DHX33: variants seen among roughly 807,000 people sequenced by gnomAD.
The protein encoded by DHX33 is DEAH-box helicase 33, also known as ATP-dependent RNA helicase DHX33.
DHX33 carries 42 observed loss-of-function variants against 72.5 expected under a neutral mutation model. That is an observed-to-expected ratio of 0.58 (90% CI 0.45 to 0.75). The LOEUF (loss-of-function observed/expected upper bound fraction) is 0.75. DHX33 is among the 30% of genes least tolerant of loss of function. DHX33 has a pLI of 0.00. For missense variants in DHX33, 842 were observed against 917.5 expected (o/e 0.92, Z 1.06); for synonymous variants, 358 against 366.1 (o/e 0.98, Z 0.25).
chr17:5,449,125 G>T (rs775269807), intron 10 of DHX33, among the ~76,000 whole-genome samples: 1 of 152,124 alleles, frequency 6.6e-6, no homozygotes, highest in Non-Finnish European at 1.5e-5. Flanking sequence ...AACATTTTTA[G>T]AACACAGTTG....
At position 5,444,196 on chromosome 17, in the gene DHX33, T is replaced by C. The variant is rs376353729; in HGVS notation, c.*9A>G. 2.1e-4 allele frequency: 341 copies of C among 1,609,408 alleles called. 1 individual carries two copies. Among genetic ancestry groups the C allele is most frequent in the Non-Finnish European group, 2.8e-4 (324 of 1,176,478 alleles). On this transcript the variant is annotated 3_prime_UTR_variant, in exon 12 of 12. Transcript: ENST00000225296. This position sits in a 1 kb window ranked among gnomAD's most constrained non-coding sequence, Gnocchi z 4.9. ...GGGACCAGTGATTCTGGCGGCATCC[T>C]GGGGCGGCTCAGTTTCTGGCGGTTC... is the stretch of plus-strand genomic sequence containing the variant.
intron 4 of DHX33, among the ~76,000 whole-genome samples, chr17:5,459,860 T>G (rs1904499952): frequency 6.6e-6 from 1 of 151,408 alleles, no homozygotes; most frequent in Non-Finnish European, 1.5e-5. Flanking sequence ...GTTGTCAGAC[T>G]GGTCTTGAAC....
chr17:5,456,632 A>G (rs1904336947), intron 4 of DHX33, among the ~76,000 whole-genome samples: 1 of 152,236 alleles, frequency 6.6e-6, no homozygotes, highest in African/African-American at 2.4e-5. Context: ...TTAGCCAGCT[A>G]TGTTTATAGG....
In DHX33 at chr17:5,450,331, C is replaced by T. The variant is rs368918561; in HGVS notation, c.1600G>A (p.Val534Ile). 5.6e-6 allele frequency: 9 copies of T among 1,614,138 alleles called. No homozygotes were observed. The highest frequency in any genetic ancestry group is 5.3e-5 in the African/African-American group (4 of 75,000). Reference protein sequence around the residue: ...TIVSLLSVDSVLHNPPSRREE... With the variant: ...TIVSLLSVDSILHNPPSRREE... The stretch of plus-strand genomic sequence containing the variant: ...CGCCGGGAAGGAGGGTTGTGGAGGA[C>T]GCTGTCCACAGACAGCAGGGAGACA... Residue 534 changes from valine (V) to isoleucine (I), a missense_variant, in exon 10 of 12, where the codon GTC (valine) becomes ATC (isoleucine). Coordinates refer to ENST00000225296, the MANE Select transcript of DHX33 (RefSeq NM_020162.4).
rs767810567 is a variant in DHX33 at position 5,461,157 on chromosome 17, C to T, written c.679-48G>A. 4.5e-6 allele frequency: 7 copies of T among 1,566,666 alleles called. No homozygotes were observed. In the South Asian group the frequency reaches 6.9e-5, roughly 15 times the overall value. ...GGACCAGAAACAAATAGTGGGAAGG[C>T]CTTTCCGTGTCCCTCTCGAGCCCCA... is the stretch of plus-strand genomic sequence containing the variant. On this transcript the variant is annotated intron_variant, in intron 3 of 11. Coordinates refer to ENST00000225296, the MANE Select transcript of DHX33 (RefSeq NM_020162.4).
Position 5,452,228 on chromosome 17 carries a change from G to A in DHX33, c.1397-1294C>T, listed in dbSNP as rs187487142. Among the ~76,000 whole-genome samples the A allele has an allele frequency of 3.8e-4, 58 of 152,258 alleles. 1 individual carries two copies. The highest frequency in any genetic ancestry group is 2.9e-5 in the Non-Finnish European group (2 of 68,012). On this transcript the variant is annotated intron_variant, in intron 8 of 11. Coordinates refer to ENST00000225296, the MANE Select transcript of DHX33 (RefSeq NM_020162.4). Reference sequence around the variant, plus strand: ...AAGCACAGAACAATACTCAATGTGTGTTGCTATTTGTGTTTTAAAACATAC... The same window carrying A: ...AAGCACAGAACAATACTCAATGTGTATTGCTATTTGTGTTTTAAAACATAC...
At chr17:5,453,187 C>T (rs1917025661) in intron 8 of DHX33, among the ~76,000 whole-genome samples, 1 of 152,162 alleles carries the variant, frequency 6.6e-6, no homozygotes, top group Non-Finnish European at 1.5e-5. Flanking sequence ...TCACTGGTTC[C>T]AGAGGTCAAG....
chr17:5,453,532 TTG>T lies in DHX33; in HGVS notation c.1396+46_1396+47del, dbSNP rs1567599572. The T allele has an allele frequency of 1.5e-5, 22 of 1,480,054 alleles. 1 individual carries two copies. The Middle Eastern group carries it at 6.8e-4, about 46-fold the overall frequency. 91.7% of individuals were successfully genotyped at this position (1,480,054 alleles called of 1,614,324 possible). On this transcript the variant is annotated intron_variant, in intron 8 of 11. Transcript: ENST00000225296. ...TTTTTTTGGAAGTGTCCATTTGTTG[TTG>T]TTTGTCTCCTCACCCACCTTCTGCA...
chr17:5,457,286 C>T (rs779810643), intron 4 of DHX33, among the ~76,000 whole-genome samples: 4 of 151,744 alleles, frequency 2.6e-5, no homozygotes, highest in Admixed American at 6.6e-5. Flanking sequence ...CCAACCTGGG[C>T]GACAGAGCAA....
chr17:5,454,527 G>A (rs1449860292), intron 6 of DHX33, among the ~76,000 whole-genome samples: 3 of 152,144 alleles, frequency 2.0e-5, no homozygotes, highest in Non-Finnish European at 4.4e-5. Flanking sequence ...CATTAGCCTG[G>A]CACTGGAGAC....
At chr17:5,453,780 T>C (rs963218486) in intron 7 of DHX33, 41 bp downstream of exon 7, 1 of 1,613,160 alleles carries the variant, frequency 6.2e-7, no homozygotes, top group Non-Finnish European at 8.5e-7. Context: ...AGGAGAGACA[T>C]GGTGACAAAC....
chr17:5,447,870 G>A (rs188349079), intron 11 of DHX33, among the ~76,000 whole-genome samples: 17 of 152,094 alleles, frequency 1.1e-4, no homozygotes, highest in Non-Finnish European at 1.9e-4. Flanking sequence ...CCCAGCCACA[G>A]GAAGGATTTG....
chr17:5,441,159 AGTTCCT>A lies in DHX33; in HGVS notation c.*3040_*3045del, dbSNP rs1916424074. 1 of 51,396 alleles carries A rather than the reference AGTTCCT, an allele frequency of 1.9e-5. No homozygotes were observed. The highest frequency in any genetic ancestry group is 1.1e-4 in the African/African-American group (1 of 9,358). The allele number at this position is 51,396 out of a possible 1,614,324, so 3.2% of individuals were successfully genotyped here. A position where few individuals can be genotyped will look rare whatever the true frequency, so the allele number is the denominator to read the frequency against. On this transcript the variant is annotated 3_prime_UTR_variant, in exon 12 of 12. Transcript: ENST00000225296. ...AAAATGCATGGCCACAGTTCCAGGC[AGTTCCT>A]GGTAGCTGGATTTAGTGGATTTATA...
At chr17:5,452,968 T>C (rs898100164) in intron 8 of DHX33, among the ~76,000 whole-genome samples, 1 of 152,050 alleles carries the variant, frequency 6.6e-6, no homozygotes, top group Non-Finnish European at 1.5e-5. Flanking sequence ...AAAAGGAAAA[T>C]GGTGCGTTGA....
Position 5,451,490 on chromosome 17 carries a change from G to T in DHX33, c.1397-556C>A, listed in dbSNP as rs190014897. ...CATTAAAAGTGTAACATCTGACCCAGCAATGTTACACTTACGAATTTCACC... is the reference window on the plus strand; with the variant it reads ...CATTAAAAGTGTAACATCTGACCCATCAATGTTACACTTACGAATTTCACC... On this transcript the variant is annotated intron_variant, in intron 8 of 11. Coordinates refer to ENST00000225296, the MANE Select transcript of DHX33 (RefSeq NM_020162.4). 5.3e-4 allele frequency among the ~76,000 whole-genome samples: 81 copies of T among 152,194 alleles called. 1 individual carries two copies. The highest frequency in any genetic ancestry group is 1.9e-3 in the African/African-American group (79 of 41,508).
At chr17:5,448,024 C>A (rs1038424777) in intron 11 of DHX33, among the ~76,000 whole-genome samples, 1 of 151,912 alleles carries the variant, frequency 6.6e-6, no homozygotes, top group Non-Finnish European at 1.5e-5. Flanking sequence ...ACTAAAAATA[C>A]AAAAATTAGC....
At chr17:5,447,805 T>C (rs914982317) in intron 11 of DHX33, among the ~76,000 whole-genome samples, 3 of 152,084 alleles carry the variant, frequency 2.0e-5, no homozygotes, top group Admixed American at 2.0e-4. Flanking sequence ...CTGAATACAA[T>C]GAAATGCTAT....
intron 5 of DHX33, 67 bp from the exon 6 acceptor site, chr17:5,455,338 T>C (rs1485920544): frequency 2.3e-6 from 3 of 1,300,544 alleles, no homozygotes; most frequent in Non-Finnish European, 3.3e-6. Flanking sequence ...TTCAAACATA[T>C]TCTCACCATT....
In DHX33 at chr17:5,450,932, G is replaced by A. The variant is rs1916877002; in HGVS notation, c.1399C>T (p.His467Tyr). ...FDFMSKPSPDHIQAAIAQLDL... is the reference protein window; with the variant it reads ...FDFMSKPSPDYIQAAIAQLDL... ...AGTTGGGCAATGGCCGCCTGAATGT[G>A]ATCTAAAGAAACAGAGACATAAAAA... Residue 467 changes from histidine to tyrosine, a missense_variant and splice_region_variant, in exon 9 of 12, where the codon CAC becomes TAC. Coordinates refer to ENST00000225296, the MANE Select transcript of DHX33 (RefSeq NM_020162.4). 2 of 1,612,976 alleles carry A rather than the reference G, an allele frequency of 1.2e-6. No homozygotes were observed. Among genetic ancestry groups the A allele is most frequent in the Non-Finnish European group, 1.7e-6 (2 of 1,179,704 alleles).
Sources: allele counts gnomAD v4.1 joint callset (sites outside exome capture counted in the v4.1 genomes callset), GRCh38; gene constraint gnomAD v4.1.1; non-coding constraint Gnocchi (gnomAD v3.1); transcripts MANE v1.5; gene names NCBI Gene and HGNC (gene_info 2026-07-23, HGNC 2026-07-21).